The following NCF4 variants were observed in gnomAD, a reference collection of about 807,000 sequenced individuals.
The protein encoded by NCF4 is neutrophil cytosolic factor 4.
In NCF4, 30 loss-of-function variants were observed where a neutral mutation model predicts 41.7. The observed-to-expected ratio is 0.72, with a 90% CI of 0.54 to 0.97. The LOEUF is 0.97. Among genes scored for constraint, NCF4 ranks in the 50% least tolerant of loss-of-function variants. The pLI, the probability that NCF4 is intolerant of heterozygous loss-of-function variation, is 0.00. For synonymous variants in NCF4, 195 were observed against 175.8 expected (o/e 1.11, Z -0.87); for missense variants, 432 against 460.9 (o/e 0.94, Z 0.57).
intron 7 of NCF4, among the ~76,000 whole-genome samples, chr22:36,874,670 G>C (rs1025321756): frequency 2.2e-4 from 33 of 152,210 alleles, no homozygotes; most frequent in Non-Finnish European, 4.6e-4. Flanking sequence ...GGACCACTTT[G>C]AGCCTTGGTT....
intron 4 of NCF4, among the ~76,000 whole-genome samples, chr22:36,869,705 A>G (rs1940007649): frequency 1.3e-5 from 2 of 152,134 alleles, no homozygotes; most frequent in African/African-American, 4.8e-5. Context: ...AAGTCTTTGC[A>G]TCGTGGTGGG....
rs5995361 is a variant in NCF4, at chr22:36,877,714, C to T, written c.911C>T (p.Ala304Val). 9.9e-6 allele frequency: 16 copies of T among 1,614,130 alleles called. No homozygotes were observed. The highest frequency in any genetic ancestry group is 1.7e-4 in the Middle Eastern group (1 of 6,060). The change falls in exon 10 of 10, where the codon GCG becomes GTG. Residue 304 changes from alanine to valine, a missense_variant. Transcript: ENST00000248899. ...LVRLLSDEDV[A>V]LMVRQARGLP... ...CGGCTGCTGTCGGATGAGGACGTAG[C>T]GCTCATGGTGCGGCAGGCTCGTGGC...
rs1939858619 is a variant in NCF4, at chr22:36,864,108, G to A, written c.96G>A (p.Lys32=). The change falls in exon 2 of 10, where the codon AAG becomes AAA. Residue 32 remains lysine (K), a synonymous_variant. Coordinates refer to ENST00000248899, the MANE Select transcript of NCF4 (RefSeq NM_000631.5). ...ISANIADIEE[K]RGFTSHFVFV... Reference sequence around the variant, plus strand: ...CCAACATTGCTGACATCGAGGAGAAGAGAGGCTTCACCAGCCACTTTGTAA... The same window carrying A: ...CCAACATTGCTGACATCGAGGAGAAAAGAGGCTTCACCAGCCACTTTGTAA... The A allele has an allele frequency of 5.6e-6, 9 of 1,613,974 alleles. No homozygotes were observed. Among genetic ancestry groups the A allele is most frequent in the Non-Finnish European group, 7.6e-6 (9 of 1,179,910 alleles).
rs1308878784 is a variant in NCF4 at position 36,862,571 on chromosome 22, C to G, written c.32+1368C>G. Among the ~76,000 whole-genome samples, 6 of 152,178 alleles carry G rather than the reference C, an allele frequency of 3.9e-5. No individual in the cohort carries two copies. In the South Asian group the frequency reaches 1.2e-3, roughly 32 times the overall value. Reference sequence around the variant, plus strand: ...CAGCAGGACTGTGCACTCCCTCCCCCACTCCCTGTCCCCTTTCAGCTGCCT... The same window carrying G: ...CAGCAGGACTGTGCACTCCCTCCCCGACTCCCTGTCCCCTTTCAGCTGCCT... On this transcript the variant is annotated intron_variant, in intron 1 of 9. Transcript: ENST00000248899.
intron 3 of NCF4, among the ~76,000 whole-genome samples, chr22:36,866,798 C>T (rs1468883152): frequency 1.3e-5 from 2 of 152,214 alleles, no homozygotes; most frequent in East Asian, 3.9e-4. Context: ...TCCAGAACAT[C>T]TGCCTTGAGC....
intron 7 of NCF4, among the ~76,000 whole-genome samples, chr22:36,874,831 T>C (rs1405316749): frequency 1.3e-5 from 2 of 152,184 alleles, no homozygotes; most frequent in Admixed American, 6.5e-5. Flanking sequence ...TTGTATCTGA[T>C]GAATGAATGA....
At chr22:36,866,266 T>G (rs1939924883) in intron 3 of NCF4, among the ~76,000 whole-genome samples, 1 of 151,780 alleles carries the variant, frequency 6.6e-6, no homozygotes, top group South Asian at 2.1e-4. Context: ...CCACTGAAAT[T>G]CCTCTCGGTG....
At chr22:36,869,243 C>T (rs147393122) in intron 4 of NCF4, among the ~76,000 whole-genome samples, 269 of 152,312 alleles carry the variant, frequency 1.8e-3, no homozygotes, top group African/African-American at 2.6e-3. Flanking sequence ...ACAATGATGA[C>T]ATCTAACTTT....
intron 7 of NCF4, among the ~76,000 whole-genome samples, chr22:36,875,115 C>T (rs1601555788): frequency 6.6e-6 from 1 of 152,108 alleles, no homozygotes; most frequent in Non-Finnish European, 1.5e-5. Flanking sequence ...CTGCAACCTC[C>T]ACCTGCCAGG....
intron 1 of NCF4, among the ~76,000 whole-genome samples, chr22:36,862,707 T>G (rs1939803887): frequency 6.6e-6 from 1 of 152,198 alleles, no homozygotes; most frequent in African/African-American, 2.4e-5. Context: ...CCTGGATTGT[T>G]CTGCTTAAGG....
chr22:36,877,237 A>G (rs768521629), intron 9 of NCF4, among the ~76,000 whole-genome samples: 2 of 151,964 alleles, frequency 1.3e-5, no homozygotes, highest in Non-Finnish European at 2.9e-5. Context: ...ACTGTGTTCA[A>G]GTGATTCTCC....
chr22:36,864,237 C>A (rs1939865381), intron 2 of NCF4, 108 bp downstream of exon 2: 5 of 983,498 alleles, frequency 5.1e-6, no homozygotes, highest in Non-Finnish European at 8.2e-6. Flanking sequence ...GATCTCTTAA[C>A]TTCTATCTCA....
rs745490664 is a variant in NCF4 at position 36,871,680 on chromosome 22, G to A, written c.499G>A (p.Val167Ile). 2.2e-5 allele frequency: 35 copies of A among 1,571,048 alleles called. No individual in the cohort carries two copies. The highest frequency in any genetic ancestry group is 1.1e-4 in the South Asian group (9 of 85,594). Residue 167 changes from valine to isoleucine, a missense_variant, in exon 6 of 10, where the codon GTT becomes ATT. Val to Ile is a conservative substitution (Grantham distance 29, BLOSUM62 3). Coordinates refer to ENST00000248899, the MANE Select transcript of NCF4 (RefSeq NM_000631.5). ...VKSVSPQGNS[V>I]DRMAAPRAEA... is the part of the protein sequence containing the mutation. ...GAGCGTGTCCCCACAGGGCAACAGCGTTGACCGCATGGCAGCTCCGAGAGC... is the reference window on the plus strand; with the variant it reads ...GAGCGTGTCCCCACAGGGCAACAGCATTGACCGCATGGCAGCTCCGAGAGC...
Position 36,865,101 on chromosome 22 carries a change from C to CAG in NCF4, c.271+32_271+33dup. 1 of 1,604,276 alleles carries CAG rather than the reference C, an allele frequency of 6.2e-7. No individual in the cohort carries two copies. The highest frequency in any genetic ancestry group is 1.1e-5 in the South Asian group (1 of 91,038). ...GGCGGCCACTCCCGTCCTGCTGCTG[C>CAG]AGAGCTGCTGACTCTCCTTCCTTCC... On this transcript the variant is annotated intron_variant, in intron 3 of 9. Coordinates refer to ENST00000248899, the MANE Select transcript of NCF4 (RefSeq NM_000631.5). This position sits in a 1 kb window ranked among gnomAD's most constrained non-coding sequence, Gnocchi z 4.3.
Position 36,875,661 on chromosome 22 carries a change from C to T in NCF4, c.636C>T (p.Val212=). Residue 212 remains valine (V), a synonymous_variant, in exon 8 of 10, where the codon GTC becomes GTT. Transcript: ENST00000248899. ...RINKDWLEGT[V]RGATGIFPLS... ...CTTCTCTTCCTCTGCAGGGCACTGT[C>T]CGGGGAGCCACGGGCATCTTCCCTC... 6.2e-7 allele frequency: 1 copy of T among 1,611,848 alleles called. No individual in the cohort carries two copies. Among genetic ancestry groups the T allele is most frequent in the Non-Finnish European group, 8.5e-7 (1 of 1,180,006 alleles).
At chr22:36,863,027 A>G (rs1939815396) in intron 1 of NCF4, among the ~76,000 whole-genome samples, 1 of 152,172 alleles carries the variant, frequency 6.6e-6, no homozygotes, top group Admixed American at 6.5e-5. Context: ...GGCCTGGGTG[A>G]GGTCCCCAAG....
chr22:36,872,379 G>A lies in NCF4; in HGVS notation c.581G>A (p.Gly194Glu). Residue 194 changes from glycine (G) to glutamate (E), a missense_variant, in exon 7 of 10, where the codon GGA becomes GAA. By Grantham distance (98) the Gly-to-Glu change is moderately conservative. Transcript: ENST00000248899. ...AAACTGGAGCTGAATTTCAAAGCTG[G>A]AGATGTGATCTTCCTCCTCAGTCGG... ...NSKLELNFKA[G>E]DVIFLLSRIN... is the part of the protein sequence containing the mutation. 6.2e-7 allele frequency: 1 copy of A among 1,613,832 alleles called. No individual in the cohort carries two copies. Among genetic ancestry groups the A allele is most frequent in the Non-Finnish European group, 8.5e-7 (1 of 1,179,662 alleles).
At chr22:36,861,890 G>A (rs1237297743) in intron 1 of NCF4, among the ~76,000 whole-genome samples, 2 of 152,178 alleles carry the variant, frequency 1.3e-5, no homozygotes, top group Non-Finnish European at 2.9e-5. Context: ...ATGAATGAAT[G>A]AATGGGTGGA....
rs184247485 is a variant in NCF4 at position 36,865,498 on chromosome 22, G to A, written c.271+426G>A. On this transcript the variant is annotated intron_variant, in intron 3 of 9. Coordinates refer to ENST00000248899, the MANE Select transcript of NCF4 (RefSeq NM_000631.5). This position sits in a 1 kb window ranked among gnomAD's most constrained non-coding sequence, Gnocchi z 4.3. ...TGACTTCATGGTCTTGGCTTCCAGCGTCCCTGTGGCTCTCCTTCTTCTCCT... is the reference window on the plus strand; with the variant it reads ...TGACTTCATGGTCTTGGCTTCCAGCATCCCTGTGGCTCTCCTTCTTCTCCT... 2.0e-5 allele frequency among the ~76,000 whole-genome samples: 3 copies of A among 152,232 alleles called. No individual in the cohort carries two copies. The highest frequency in any genetic ancestry group is 1.9e-4 in the East Asian group (1 of 5,170).
Sources: gnomAD v4.1 joint callset for allele counts (sites outside exome capture counted in the v4.1 genomes callset) on GRCh38, gnomAD v4.1.1 for gene constraint, Gnocchi (gnomAD v3.1) non-coding constraint, MANE v1.5 for transcripts, NCBI Gene and HGNC (gene_info 2026-07-23, HGNC 2026-07-21) for gene names.